Variants in ULK4 observed in about 807,000 individuals in gnomAD.
The protein encoded by ULK4 is unc-51 like kinase 4, also known as inactive serine/threonine-protein kinase ULK4.
Under a neutral mutation model 160.6 loss-of-function variants are expected in ULK4, and 133 were observed. The ratio of observed to expected loss-of-function variants is 0.83; its 90% confidence interval spans 0.72 to 0.96. The LOEUF (loss-of-function observed/expected upper bound fraction) is 0.96, where lower values mean the gene tolerates loss of function less well. ULK4 is among the 40% of genes least tolerant of loss of function. The probability of loss-of-function intolerance (pLI) is 0.00; values close to 1 mark genes in which losing one functional copy is unlikely to be tolerated. For missense variants in ULK4, 1,580 were observed against 1,499.5 expected (o/e 1.05, Z -0.89); for synonymous variants, 534 against 539.8 (o/e 0.99, Z 0.15).
Position 41,738,752 on chromosome 3 carries a change from G to A in ULK4, c.2321+15609C>T, listed in dbSNP as rs570145918. Among the ~76,000 whole-genome samples the A allele has an allele frequency of 1.3e-3, 200 of 152,052 alleles. 3 individuals carry two copies. The highest frequency in any genetic ancestry group is 2.4e-3 in the Non-Finnish European group (160 of 68,006). On this transcript the variant is annotated intron_variant, in intron 22 of 36. Coordinates refer to ENST00000301831, the MANE Select transcript of ULK4 (RefSeq NM_017886.4). ...AACCAAAAAAAGAGGCACAATGTTT[G>A]GTGGGTTTTTGTGAATTAAGAGGTA...
chr3:41,440,813 T>C (rs2083147997), intron 34 of ULK4, among the ~76,000 whole-genome samples: 1 of 152,156 alleles, frequency 6.6e-6, no homozygotes, highest in South Asian at 2.1e-4. Flanking sequence ...CTAAAAATTC[T>C]ATTTTTTAAT....
At chr3:41,869,142 T>A (rs746863646) in intron 17 of ULK4, 3 of 152,176 alleles carry the variant, frequency 2.0e-5, no homozygotes, top group Non-Finnish European at 4.4e-5. Flanking sequence ...TAATTACTCT[T>A]GTTTTTCAGG....
intron 27 of ULK4, among the ~76,000 whole-genome samples, chr3:41,689,007 T>C (rs1396850327): frequency 6.6e-6 from 1 of 152,202 alleles, no homozygotes; most frequent in East Asian, 1.9e-4. Flanking sequence ...TTTTGTACTC[T>C]TCCAACTTAG....
intron 20 of ULK4, among the ~76,000 whole-genome samples, chr3:41,791,277 A>T (rs894354536): frequency 1.3e-5 from 2 of 151,744 alleles, no homozygotes; most frequent in South Asian, 4.2e-4. Flanking sequence ...TACAGACATG[A>T]GCCACCGCAT....
intron 21 of ULK4, among the ~76,000 whole-genome samples, chr3:41,771,042 ACG>A: frequency 6.6e-6 from 1 of 152,178 alleles, no homozygotes; most frequent in Non-Finnish European, 1.5e-5. Context: ...GAGAATTAAA[ACG>A]GACATATTTT....
At chr3:41,885,039 G>C (rs1697671493) in intron 16 of ULK4, among the ~76,000 whole-genome samples, 1 of 152,134 alleles carries the variant, frequency 6.6e-6, no homozygotes, top group Non-Finnish European at 1.5e-5. Context: ...TTTACTTTTT[G>C]TAGAGATGGG....
intron 17 of ULK4, chr3:41,854,067 G>A (rs1288005425): frequency 6.6e-6 from 1 of 152,206 alleles, no homozygotes; most frequent in African/African-American, 2.4e-5. Context: ...TTCCCAGCCT[G>A]TCAAGATAGC....
chr3:41,330,710 T>G (rs2080424485), intron 35 of ULK4, among the ~76,000 whole-genome samples: 1 of 152,220 alleles, frequency 6.6e-6, no homozygotes, highest in Non-Finnish European at 1.5e-5. Flanking sequence ...ATGGTAACAC[T>G]TAGGCCTCAT....
intron 35 of ULK4, among the ~76,000 whole-genome samples, chr3:41,290,999 T>C (rs10510717): frequency 0.17 from 26,587 of 152,196 alleles, 2,933 homozygotes; most frequent in African/African-American, 0.31. Flanking sequence ...GGTTTGCTAA[T>C]GGCTTCTAGG....
At chr3:41,936,078 CAT>C (rs1699768711) in intron 3 of ULK4, 138 bp from the exon 4 acceptor site, 6 of 1,109,494 alleles carry the variant, frequency 5.4e-6, no homozygotes, top group East Asian at 2.5e-5. Context: ...AAGGAACACA[CAT>C]GTGAGTAAAT....
At chr3:41,827,988 G>A (rs937181990) in intron 18 of ULK4, among the ~76,000 whole-genome samples, 5 of 151,960 alleles carry the variant, frequency 3.3e-5, no homozygotes, top group Non-Finnish European at 7.4e-5. Context: ...TGCAACGCTG[G>A]TTCAACATAC....
intron 9 of ULK4, among the ~76,000 whole-genome samples, chr3:41,912,219 C>A (rs1698814004): frequency 6.6e-6 from 1 of 151,360 alleles, no homozygotes; most frequent in South Asian, 2.1e-4. Flanking sequence ...TCTCAGCTAC[C>A]CAGGAATCTG....
chr3:41,266,696 C>T (rs1007012913), intron 35 of ULK4, among the ~76,000 whole-genome samples: 2 of 152,104 alleles, frequency 1.3e-5, no homozygotes, highest in African/African-American at 4.8e-5. Context: ...GCTTCATGAA[C>T]CCCAGTTCAA....
chr3:41,878,786 C>G (rs953565400), intron 17 of ULK4, among the ~76,000 whole-genome samples: 1 of 150,752 alleles, frequency 6.6e-6, no homozygotes, highest in African/African-American at 2.4e-5. Flanking sequence ...ACATCTGAGT[C>G]TAGTGATCAA....
At chr3:41,292,803 G>A (rs2079596467) in intron 35 of ULK4, among the ~76,000 whole-genome samples, 1 of 152,110 alleles carries the variant, frequency 6.6e-6, no homozygotes, top group African/African-American at 2.4e-5. Context: ...AATTAGCTGG[G>A]TGTGGTGGTG....
intron 25 of ULK4, among the ~76,000 whole-genome samples, chr3:41,706,327 C>T (rs1306566353): frequency 1.4e-5 from 2 of 146,670 alleles, no homozygotes; most frequent in African/African-American, 5.1e-5. Flanking sequence ...CAACGGAGTT[C>T]TTGCCACTAA....
chr3:41,424,028 C>T (rs1254723292), intron 34 of ULK4, among the ~76,000 whole-genome samples: 1 of 152,068 alleles, frequency 6.6e-6, no homozygotes, highest in Non-Finnish European at 1.5e-5. Flanking sequence ...TGCCTGTTGC[C>T]TAAGACAACT....
Position 41,516,588 on chromosome 3 carries a change from G to T in ULK4, c.3226+49437C>A, listed in dbSNP as rs112130447. ...AGTGAAATAAGCCAGGCACAGAAAG[G>T]CAAACATCACATTTTCTCACTTATT... On this transcript the variant is annotated intron_variant, in intron 32 of 36. Transcript: ENST00000301831. Among the ~76,000 whole-genome samples the T allele has an allele frequency of 2.3e-3, 354 of 150,644 alleles. 4 individuals carry two copies. The highest frequency in any genetic ancestry group is 8.2e-3 in the African/African-American group (336 of 40,946).
intron 35 of ULK4, among the ~76,000 whole-genome samples, chr3:41,321,379 G>A (rs73831310): frequency 3.3e-4 from 50 of 152,212 alleles, no homozygotes; most frequent in African/African-American, 1.2e-3. Flanking sequence ...TGGTGTAGCA[G>A]GTATATTTTC....
Sources: allele counts gnomAD v4.1 joint callset (sites outside exome capture counted in the v4.1 genomes callset), GRCh38; gene constraint gnomAD v4.1.1; transcripts MANE v1.5; gene names NCBI Gene and HGNC (gene_info 2026-07-23, HGNC 2026-07-21).